The following PRH1 variants were observed in gnomAD, a reference collection of about 807,000 sequenced individuals.
The protein encoded by PRH1 is salivary acidic proline-rich phosphoprotein 1/2.
In PRH1, 7 loss-of-function variants were observed where a neutral mutation model predicts 7.9. That is an observed-to-expected ratio of 0.89 (90% CI 0.50 to 1.67). The LOEUF (loss-of-function observed/expected upper bound fraction) is 1.67, where lower values mean the gene tolerates loss of function less well. PRH1 is among the 40% of genes most tolerant of loss of function. The probability of loss-of-function intolerance (pLI) is 0.00; values close to 1 mark genes in which losing one functional copy is unlikely to be tolerated. For synonymous variants in PRH1, 45 were observed against 80.8 expected (o/e 0.56, Z 2.38); for missense variants, 109 against 223.6 (o/e 0.49, Z 3.27).
chr12:10,917,296 T>C (rs1320439930), intron 2 of PRH1, among the ~76,000 whole-genome samples: 1 of 150,596 alleles, frequency 6.6e-6, no homozygotes, highest in Non-Finnish European at 1.5e-5. Context: ...ATTTTATAAT[T>C]TTTTTTATTT....
intron 2 of PRH1, among the ~76,000 whole-genome samples, chr12:10,897,623 G>A (rs998828247): frequency 1.3e-5 from 2 of 152,298 alleles, no homozygotes; most frequent in South Asian, 2.1e-4. Flanking sequence ...CTGTTTCTGG[G>A]GAGGCCTCAG....
chr12:11,052,938 G>C (rs1005317395), intron 1 of PRH1, among the ~76,000 whole-genome samples: 39 of 150,722 alleles, frequency 2.6e-4, no homozygotes, highest in Non-Finnish European at 4.1e-4. Context: ...TTTGTTTTTT[G>C]TTTTAGTATG....
chr12:11,168,284 GAAAGAAAGAAA>G lies in PRH1; in HGVS notation n.39+3127_39+3137del, dbSNP rs1565725759. On this transcript the variant is annotated intron_variant and non_coding_transcript_variant, in intron 1 of 1. Transcript: ENST00000541175. ...AGAAAGAAAGAAAGAAAGAAAGAAA[GAAAGAAAGAAA>G]GAAAGAAGGAAGGAAGGAAGGAAGG... 1.6e-3 allele frequency among the ~76,000 whole-genome samples: 46 copies of G among 29,610 alleles called. 1 individual carries two copies. Among genetic ancestry groups the G allele is most frequent in the African/African-American group, 2.9e-3 (26 of 9,030 alleles). 19.4% of individuals were successfully genotyped at this position (29,610 alleles called of 152,430 possible).
intron 1 of PRH1, chr12:10,997,089 G>A (rs536401326): frequency 6.2e-7 from 1 of 1,614,032 alleles, no homozygotes; most frequent in South Asian, 1.1e-5. Context: ...GCTTGGCAAA[G>A]CATTAAGACA....
rs766305030 is a variant in PRH1 at position 11,022,565 on chromosome 12, A to C, written c.-126+24455T>G. The C allele has an allele frequency of 1.9e-6, 3 of 1,606,440 alleles. No homozygotes were observed. In the African/African-American group the frequency reaches 4.0e-5, roughly 21 times the overall value. Reference sequence around the variant, plus strand: ...ATTGATGAAATGATGAGCAGAAAACACATCATGTTTGAACAGATAAAAAAA... The same window carrying C: ...ATTGATGAAATGATGAGCAGAAAACCCATCATGTTTGAACAGATAAAAAAA... On this transcript the variant is annotated intron_variant, in intron 1 of 3. Transcript: ENST00000539853.
chr12:11,145,993 T>C (rs1946848329), intron 1 of PRH1, among the ~76,000 whole-genome samples: 1 of 152,160 alleles, frequency 6.6e-6, no homozygotes, highest in Non-Finnish European at 1.5e-5. Context: ...CAGAAATATG[T>C]AGTTATACAT....
intron 1 of PRH1, among the ~76,000 whole-genome samples, chr12:11,069,937 C>A (rs1448600928): frequency 7.4e-6 from 1 of 135,476 alleles, no homozygotes; most frequent in East Asian, 2.0e-4. Context: ...TCTCAAAGAC[C>A]TGCAGCCATT....
At chr12:11,022,275 A>C (rs1941689828) in intron 1 of PRH1, 1 of 1,614,220 alleles carries the variant, frequency 6.2e-7, no homozygotes. Context: ...TGAGGCTAGC[A>C]GCAAGCCACA....
chr12:11,022,293 A>C (rs1428914149), intron 1 of PRH1: 1 of 1,614,208 alleles, frequency 6.2e-7, no homozygotes, highest in East Asian at 2.2e-5. Context: ...ACATGCTGAA[A>C]TGGTTCGTTA....
intron 2 of PRH1, among the ~76,000 whole-genome samples, chr12:10,912,113 A>T (rs1186281338): frequency 6.6e-6 from 1 of 152,216 alleles, no homozygotes; most frequent in Non-Finnish European, 1.5e-5. Context: ...ATATAGAGAT[A>T]GATCATTTAT....
chr12:10,901,476 G>A (rs1949722953), intron 2 of PRH1, among the ~76,000 whole-genome samples: 1 of 152,132 alleles, frequency 6.6e-6, no homozygotes, highest in African/African-American at 2.4e-5. Flanking sequence ...GCCATTGGAA[G>A]ACCTATAGGT....
chr12:11,133,113 T>G lies in PRH1; in HGVS notation n.40-11933A>C, dbSNP rs1359076667. 4.2e-6 allele frequency: 3 copies of G among 714,056 alleles called. No homozygotes were observed. The East Asian group carries it at 1.0e-4, about 24-fold the overall frequency. The allele number at this position is 714,056 out of a possible 1,614,324, so 44.2% of individuals were successfully genotyped here. A position where few individuals can be genotyped will look rare whatever the true frequency, so the allele number is the denominator to read the frequency against. On this transcript the variant is annotated intron_variant and non_coding_transcript_variant, in intron 1 of 1. Coordinates refer to the PRH1 transcript ENST00000541175. ...GCATGTTATTGTCAATGTTCTTCAG[T>G]TTTTCATACACACACACACACACAC...
intron 1 of PRH1, among the ~76,000 whole-genome samples, chr12:11,124,503 TC>T (rs1946036668): frequency 6.6e-6 from 1 of 152,038 alleles, no homozygotes; most frequent in Admixed American, 6.5e-5. Context: ...TAGTTTAATA[TC>T]ATCTATAATT....
chr12:11,053,921 A>G (rs1331128623), intron 1 of PRH1, among the ~76,000 whole-genome samples: 1 of 152,116 alleles, frequency 6.6e-6, no homozygotes. Context: ...CCAAGGTTCA[A>G]TTGATTCTCC....
In PRH1 at chr12:10,993,259, G is replaced by C. The variant is rs531058579; in HGVS notation, c.-125-19538C>G. Among the ~76,000 whole-genome samples, 6 of 152,224 alleles carry C rather than the reference G, an allele frequency of 3.9e-5. No individual in the cohort carries two copies. The South Asian group carries it at 1.2e-3, about 32-fold the overall frequency. On this transcript the variant is annotated intron_variant, in intron 1 of 3. Coordinates refer to the PRH1 transcript ENST00000539853. The stretch of plus-strand genomic sequence containing the variant: ...AGAGAAAATCAAAATGATTTGTTTT[G>C]GTGAGGTAAGAACAAAAGCACTGCT...
chr12:11,149,446 G>C (rs1231170106), intron 1 of PRH1, among the ~76,000 whole-genome samples: 1 of 151,938 alleles, frequency 6.6e-6, no homozygotes, highest in Non-Finnish European at 1.5e-5. Context: ...AACCAAAACA[G>C]CATGGTACTG....
intron 1 of PRH1, among the ~76,000 whole-genome samples, chr12:10,975,304 A>C (rs1939033406): frequency 6.6e-6 from 1 of 152,212 alleles, no homozygotes; most frequent in African/African-American, 2.4e-5. Context: ...TTTAATCAAG[A>C]ATTTCGTATC....
chr12:10,954,962 A>T (rs1346221467), intron 2 of PRH1, among the ~76,000 whole-genome samples: 1 of 152,230 alleles, frequency 6.6e-6, no homozygotes, highest in Non-Finnish European at 1.5e-5. Flanking sequence ...TAAAAGATTT[A>T]GAAAATCACA....
intron 1 of PRH1, among the ~76,000 whole-genome samples, chr12:11,109,227 C>A (rs1945518329): frequency 6.6e-6 from 1 of 152,190 alleles, no homozygotes; most frequent in Non-Finnish European, 1.5e-5. Context: ...GGAGAAGGGG[C>A]AGCTGTGGGA....
Sources: gnomAD v4.1 joint callset for allele counts (sites outside exome capture counted in the v4.1 genomes callset) on GRCh38, gnomAD v4.1.1 for gene constraint, MANE v1.5 for transcripts, NCBI Gene and HGNC (gene_info 2026-07-23, HGNC 2026-07-21) for gene names.